SCHIP1: variants seen among roughly 807,000 people sequenced by gnomAD.
SCHIP1 encodes the protein schwannomin-interacting protein 1.
In SCHIP1, 8 loss-of-function variants were observed where a neutral mutation model predicts 29.7. That is an observed-to-expected ratio of 0.27 (90% confidence interval 0.16 to 0.49). SCHIP1 has a LOEUF of 0.49. SCHIP1 is among the 20% of genes least tolerant of loss of function. The probability of loss-of-function intolerance (pLI) is 0.99; values close to 1 mark genes in which losing one functional copy is unlikely to be tolerated. For synonymous variants in SCHIP1, 76 were observed against 94.9 expected, an observed-to-expected ratio of 0.80 and a Z score of 1.16; for missense variants, 193 against 294.6, an observed-to-expected ratio of 0.66 and a Z score of 2.52.
chr3:159,838,621 T>C (rs993770328), upstream of SCHIP1, among the ~76,000 whole-genome samples: 3 of 152,182 alleles, frequency 2.0e-5, no homozygotes, highest in Non-Finnish European at 4.4e-5. Flanking sequence ...CCAGGCGCGG[T>C]GGCTCACGCC....
chr3:159,358,735 A>T, the SCHIP1 span, among the ~76,000 whole-genome samples: 1 of 152,168 alleles, frequency 6.6e-6, no homozygotes, highest in East Asian at 1.9e-4. Context: ...TTTGTATGTC[A>T]TGTAGGCTTA....
At chr3:159,659,714 T>G in the SCHIP1 span, among the ~76,000 whole-genome samples, 1 of 152,102 alleles carries the variant, frequency 6.6e-6, no homozygotes, top group Admixed American at 6.5e-5. Flanking sequence ...TGCCTTTTTG[T>G]GGTGATTCTC....
At chr3:159,726,660 A>C in the SCHIP1 span, among the ~76,000 whole-genome samples, 139 of 152,298 alleles carry the variant, frequency 9.1e-4, no homozygotes, top group African/African-American at 3.2e-3. Flanking sequence ...CTTTATTGCA[A>C]GTGAAATAGC....
At chr3:159,828,438 TAC>T in the SCHIP1 span, among the ~76,000 whole-genome samples, 4 of 68,048 alleles carry the variant, frequency 5.9e-5, 1 homozygote, top group African/African-American at 7.8e-5. Context: ...TACGTATATA[TAC>T]GTATATATAT....
the SCHIP1 span, among the ~76,000 whole-genome samples, chr3:159,697,890 C>G: frequency 6.6e-6 from 1 of 152,174 alleles, no homozygotes; most frequent in East Asian, 1.9e-4. Context: ...ATCATTTGTA[C>G]AGTGTGATGG....
chr3:159,638,303 A>G, the SCHIP1 span, among the ~76,000 whole-genome samples: 6 of 152,134 alleles, frequency 3.9e-5, no homozygotes, highest in African/African-American at 1.4e-4. Context: ...TTGACATCCT[A>G]ATGAGTTTCC....
the SCHIP1 span, among the ~76,000 whole-genome samples, chr3:159,353,180 G>A: frequency 6.6e-6 from 1 of 152,108 alleles, no homozygotes; most frequent in Non-Finnish European, 1.5e-5. Context: ...CAAAGGAGGG[G>A]AGGGATAGCA....
chr3:159,347,007 A>T, the SCHIP1 span, among the ~76,000 whole-genome samples: 3 of 114,562 alleles, frequency 2.6e-5, no homozygotes, highest in Non-Finnish European at 5.7e-5. Flanking sequence ...GAGGAATTAC[A>T]CTGTGCCTCC....
At chr3:159,393,985 C>T in the SCHIP1 span, among the ~76,000 whole-genome samples, 64 of 152,024 alleles carry the variant, frequency 4.2e-4, no homozygotes, top group African/African-American at 1.3e-3. Flanking sequence ...CCTCTTTTAT[C>T]TCATTGAGCA....
At chr3:159,395,618 A>C in the SCHIP1 span, among the ~76,000 whole-genome samples, 1 of 152,072 alleles carries the variant, frequency 6.6e-6, no homozygotes, top group East Asian at 1.9e-4. Context: ...GTTTCCATGT[A>C]GTTGAGTGGT....
chr3:159,434,040 G>A, the SCHIP1 span, among the ~76,000 whole-genome samples: 14 of 152,050 alleles, frequency 9.2e-5, no homozygotes, highest in African/African-American at 3.4e-4. Flanking sequence ...TTATTTTAAG[G>A]GTAGAGTGCA....
the SCHIP1 span, among the ~76,000 whole-genome samples, chr3:159,711,360 CAAAAAAAAAAAAAAAAAAAAAAAAAA>C: frequency 1.5e-4 from 1 of 6,752 alleles, no homozygotes; most frequent in South Asian, 9.3e-3. Context: ...GACTCCGTCT[CAAAAAAAAAAAAAAAAAAAAAAAAAA>C]AAAAAAAAAA....
chr3:159,574,558 C>T, the SCHIP1 span, among the ~76,000 whole-genome samples: 4 of 152,206 alleles, frequency 2.6e-5, no homozygotes, highest in Admixed American at 6.5e-5. Flanking sequence ...AGTTAGGCTA[C>T]ACGGGGGTCA....
chr3:159,631,650 G>C, the SCHIP1 span, among the ~76,000 whole-genome samples: 3 of 152,280 alleles, frequency 2.0e-5, no homozygotes, highest in African/African-American at 4.8e-5. Flanking sequence ...AATTAGAATA[G>C]AGGTTACCAG....
the SCHIP1 span, among the ~76,000 whole-genome samples, chr3:159,451,932 C>T: frequency 6.6e-6 from 1 of 151,982 alleles, no homozygotes; most frequent in East Asian, 1.9e-4. Flanking sequence ...TTTTTACCCT[C>T]AAATAAATAT....
chr3:159,398,080 C>T, the SCHIP1 span, among the ~76,000 whole-genome samples: 49 of 152,212 alleles, frequency 3.2e-4, 1 homozygote, highest in East Asian at 8.5e-3. Flanking sequence ...TGGGAGTGAC[C>T]CGATTTTCCA....
At chr3:159,714,263 G>T in the SCHIP1 span, among the ~76,000 whole-genome samples, 1 of 151,944 alleles carries the variant, frequency 6.6e-6, no homozygotes, top group African/African-American at 2.4e-5. Context: ...AAAAAGGAAG[G>T]AGGTTCCAAG....
upstream of SCHIP1, among the ~76,000 whole-genome samples, chr3:159,836,412 A>G (rs911018706): frequency 6.6e-6 from 1 of 152,182 alleles, no homozygotes; most frequent in Non-Finnish European, 1.5e-5. Flanking sequence ...TCACCCCTCA[A>G]TGGCCCCACC....
At chr3:159,884,449 T>C (rs577056809) in intron 2 of SCHIP1, among the ~76,000 whole-genome samples, 7 of 151,634 alleles carry the variant, frequency 4.6e-5, no homozygotes, top group African/African-American at 1.2e-4. Flanking sequence ...CCCAGCTCAG[T>C]AGAAGAACAA....
Sources: gnomAD v4.1 joint callset for allele counts (sites outside exome capture counted in the v4.1 genomes callset) on GRCh38, gnomAD v4.1.1 for gene constraint, MANE v1.5 for transcripts, NCBI Gene and HGNC (gene_info 2026-07-23, HGNC 2026-07-21) for gene names.